The following BCR variants were observed in gnomAD, a reference collection of about 807,000 sequenced individuals.
BCR encodes the protein BCR activator of RhoGEF and GTPase.
BCR carries 58 observed loss-of-function variants against 138.6 expected under a neutral mutation model. That is an observed-to-expected ratio of 0.42 (90% CI 0.34 to 0.52). The LOEUF (loss-of-function observed/expected upper bound fraction) is 0.52. Ranked by LOEUF, BCR falls within the 20% of genes least tolerant of loss-of-function variation. The pLI is 0.06. For synonymous variants in BCR, 786 were observed against 730.1 expected (o/e 1.08, Z -1.23); for missense variants, 1,599 against 1,727.2 (o/e 0.93, Z 1.32).
intron 1 of BCR, among the ~76,000 whole-genome samples, chr22:23,206,386 T>A (rs9612261): frequency 0.2 from 31,046 of 151,910 alleles, 3,685 homozygotes; most frequent in Middle Eastern, 0.33. Context: ...CATCCTGGCT[T>A]ACACGGTGAA....
At chr22:23,256,267 T>G (rs80264103) in intron 2 of BCR, among the ~76,000 whole-genome samples, 1,565 of 152,266 alleles carry the variant, frequency 0.01, 26 homozygotes, top group African/African-American at 0.035. Flanking sequence ...ACCCCTCATT[T>G]GGTCCCAGAT....
Position 23,317,239 on chromosome 22 carries a change from T to C in BCR, c.*1717T>C. Reference sequence around the variant, plus strand: ...AAGGCAGGGAGCAGAAAACAGCCACTTGAAGGCTTTCTGTCTGCGTCTGTG... The same window carrying C: ...AAGGCAGGGAGCAGAAAACAGCCACCTGAAGGCTTTCTGTCTGCGTCTGTG... On this transcript the variant is annotated 3_prime_UTR_variant, in exon 23 of 23. Transcript: ENST00000305877. 7.0e-6 allele frequency: 1 copy of C among 143,048 alleles called. No individual in the cohort carries two copies. The highest frequency in any genetic ancestry group is 1.3e-5 in the Non-Finnish European group (1 of 79,042). The allele number at this position is 143,048 out of a possible 1,614,324, so 8.9% of individuals were successfully genotyped here. A position where few individuals can be genotyped will look rare whatever the true frequency, so the allele number is the denominator to read the frequency against.
Position 23,288,018 on chromosome 22 carries a change from TCTAAGGTGCC to T in BCR, c.2527-77_2527-68del, listed in dbSNP as rs2073737848. 8.7e-6 allele frequency: 12 copies of T among 1,383,530 alleles called. No individual in the cohort carries two copies. In the South Asian group the frequency reaches 1.3e-4, roughly 15 times the overall value. 85.7% of individuals were successfully genotyped at this position (1,383,530 alleles called of 1,614,324 possible). A position where few individuals can be genotyped will look rare whatever the true frequency, so the allele number is the denominator to read the frequency against. On this transcript the variant is annotated intron_variant, in intron 11 of 22. Coordinates refer to ENST00000305877, the MANE Select transcript of BCR (RefSeq NM_004327.4). Reference sequence around the variant, plus strand: ...CCGGCTGGAGATACGAGTTGTGTGCTCTAAGGTGCCCCGGGCCTACCAGGCATTTGCGTAG... The same window carrying T: ...CCGGCTGGAGATACGAGTTGTGTGCTCCGGGCCTACCAGGCATTTGCGTAG...
intron 10 of BCR, 106 bp downstream of exon 10, chr22:23,285,307 C>G (rs2073699411): frequency 2.2e-5 from 28 of 1,264,926 alleles, no homozygotes; most frequent in Non-Finnish European, 2.9e-5. Flanking sequence ...GGCCCCAGGT[C>G]TGGTCTCTGG....
At chr22:23,273,908 G>A (rs769481658) in intron 8 of BCR, 134 bp downstream of exon 8, 38 of 1,268,476 alleles carry the variant, frequency 3.0e-5, no homozygotes, top group Admixed American at 2.4e-4. Flanking sequence ...GAGATTGGCC[G>A]CACACTCAGT....
At chr22:23,229,195 G>A (rs1330955552) in intron 1 of BCR, among the ~76,000 whole-genome samples, 1 of 151,926 alleles carries the variant, frequency 6.6e-6, no homozygotes. Context: ...ATTCCTATTT[G>A]GTTCTTTTTT....
At chr22:23,309,866 A>T (rs2073988806) in intron 17 of BCR, 1 of 333,476 alleles carries the variant, frequency 3.0e-6, no homozygotes, top group South Asian at 3.7e-5. Context: ...ATAAATGGTA[A>T]AATGTTAATA....
chr22:23,225,043 G>A (rs1048228027), intron 1 of BCR, among the ~76,000 whole-genome samples: 1 of 151,850 alleles, frequency 6.6e-6, no homozygotes, highest in Non-Finnish European at 1.5e-5. Context: ...ATGCTGCAGG[G>A]AGGGGTGTCC....
intron 1 of BCR, among the ~76,000 whole-genome samples, chr22:23,214,560 G>A (rs940041993): frequency 3.0e-4 from 46 of 152,196 alleles, no homozygotes; most frequent in African/African-American, 1.1e-3. Flanking sequence ...CTGCTCAGGC[G>A]GATTATTTCG....
intron 8 of BCR, among the ~76,000 whole-genome samples, chr22:23,274,907 CAAAAAAAAAAAAA>C (rs758602402): frequency 1.4e-4 from 12 of 84,040 alleles, no homozygotes; most frequent in African/African-American, 3.8e-4. Context: ...AACTCCATCT[CAAAAAAAAAAAAA>C]AAAAAAAAAA....
intron 1 of BCR, among the ~76,000 whole-genome samples, chr22:23,244,863 C>G (rs1439646527): frequency 1.3e-5 from 2 of 152,220 alleles, no homozygotes; most frequent in African/African-American, 4.8e-5. Context: ...GCCCCCGCAC[C>G]AGCCGGCCCC....
At position 23,190,508 on chromosome 22, in the gene BCR, A is replaced by C. The variant is rs533699276; in HGVS notation, c.1279+8269A>C. On this transcript the variant is annotated intron_variant, in intron 1 of 22. Transcript: ENST00000305877. The stretch of plus-strand genomic sequence containing the variant: ...AAAAGGACACCAGTAAGACTGGATT[A>C]AGGTGGGCAGTAAAGACCCCTGCTT... Among the ~76,000 whole-genome samples, 41 of 152,320 alleles carry C rather than the reference A, an allele frequency of 2.7e-4. 1 individual carries two copies. Among genetic ancestry groups the C allele is most frequent in the South Asian group, 2.7e-3 (13 of 4,830 alleles).
In BCR at chr22:23,315,418, A is replaced by C. The variant is rs1321102098; in HGVS notation, c.3727-15A>C. On this transcript the variant is annotated splice_polypyrimidine_tract_variant and intron_variant, in intron 22 of 22. Transcript: ENST00000305877. ...GCTCTGAGCCACTCTTCTCTTCCCT[A>C]CTCTGCCCGGGCAGGTCCAGGTGCT... 1 of 1,612,176 alleles carries C rather than the reference A, an allele frequency of 6.2e-7. No homozygotes were observed. Among genetic ancestry groups the C allele is most frequent in the Non-Finnish European group, 8.5e-7 (1 of 1,179,086 alleles).
intron 16 of BCR, among the ~76,000 whole-genome samples, chr22:23,303,129 C>T (rs2073920996): frequency 6.6e-6 from 1 of 151,704 alleles, no homozygotes; most frequent in Non-Finnish European, 1.5e-5. Context: ...ATGTATTTTA[C>T]TATATATATA....
rs543867996 is a variant in BCR at position 23,192,234 on chromosome 22, G to T, written c.1279+9995G>T. 1.7e-3 allele frequency among the ~76,000 whole-genome samples: 255 copies of T among 151,654 alleles called. 2 individuals carry two copies. Among genetic ancestry groups the T allele is most frequent in the African/African-American group, 5.9e-3 (241 of 40,942 alleles). ...TCCCTCCACTGATTGAGTCTGAGGG[G>T]GTATGAGACACTCTGGCCTGGAGTA... On this transcript the variant is annotated intron_variant, in intron 1 of 22. Transcript: ENST00000305877.
At chr22:23,257,803 T>A (rs1439328870) in intron 2 of BCR, among the ~76,000 whole-genome samples, 1 of 152,198 alleles carries the variant, frequency 6.6e-6, no homozygotes, top group Non-Finnish European at 1.5e-5. Flanking sequence ...AGCCCTGGGT[T>A]CCTTGGACCC....
chr22:23,290,544 C>T (rs541655893), intron 14 of BCR, 131 bp downstream of exon 14: 52 of 933,046 alleles, frequency 5.6e-5, no homozygotes, highest in Non-Finnish European at 8.0e-5. Context: ...TGACCCTGGC[C>T]GCTGTGGAGT....
intron 1 of BCR, among the ~76,000 whole-genome samples, chr22:23,214,776 G>C (rs185838379): frequency 1.8e-4 from 28 of 152,338 alleles, no homozygotes; most frequent in East Asian, 9.6e-4. Flanking sequence ...GTCAAAGTAG[G>C]CTGGGCTTTG....
intron 1 of BCR, among the ~76,000 whole-genome samples, chr22:23,214,397 C>T (rs2072724802): frequency 6.6e-6 from 1 of 152,216 alleles, no homozygotes; most frequent in Non-Finnish European, 1.5e-5. Flanking sequence ...AAAGAGGAGC[C>T]ACAGGTCCTG....
Sources: gnomAD v4.1 joint callset for allele counts (sites outside exome capture counted in the v4.1 genomes callset) on GRCh38, gnomAD v4.1.1 for gene constraint, MANE v1.5 for transcripts, NCBI Gene and HGNC (gene_info 2026-07-23, HGNC 2026-07-21) for gene names.